ADAR: variants seen among roughly 807,000 people sequenced by gnomAD.
ADAR encodes the protein adenosine deaminase RNA specific, also known as double-stranded RNA-specific adenosine deaminase.
In ADAR, 41 loss-of-function variants were observed where a neutral mutation model predicts 113.2. That is an observed-to-expected ratio of 0.36 (90% CI 0.28 to 0.47). The LOEUF (loss-of-function observed/expected upper bound fraction) is 0.47. ADAR is among the 20% of genes least tolerant of loss of function. The probability of loss-of-function intolerance (pLI) is 1.00; values close to 1 mark genes in which losing one functional copy is unlikely to be tolerated. For synonymous variants in ADAR, 605 were observed against 572.6 expected (o/e 1.06, Z -0.81); for missense variants, 1,242 against 1,540.9 (o/e 0.81, Z 3.25).
At chr1:154,590,152 C>CG (rs774134911) in intron 7 of ADAR, 32 bp downstream of exon 7, 78 of 1,333,484 alleles carry the variant, frequency 5.8e-5, no homozygotes, top group Middle Eastern at 1.9e-4. Flanking sequence ...CCCCCCCGCC[C>CG]CAAAAAAGGC....
In ADAR at chr1:154,585,834, A is replaced by G; in HGVS notation, c.3234T>C (p.Arg1078=). The G allele has an allele frequency of 1.2e-6, 2 of 1,614,134 alleles. No individual in the cohort carries two copies. The highest frequency in any genetic ancestry group is 1.7e-6 in the Non-Finnish European group (2 of 1,179,966). The part of the protein sequence containing the change: ...GYLFSQGHLT[R]AICCRVTRDG... ...CTCTTGTCACACGACAGCAAATAGC[A>G]CGGGTCAGATGCCCTTGGCTGAAAA... is the stretch of plus-strand genomic sequence containing the variant. The change falls in exon 13 of 15, where the codon CGT becomes CGC. Residue 1078 remains arginine (R), a synonymous_variant. Transcript: ENST00000368474.
chr1:154,627,891 C>G (rs756091768), exon 1 of ADAR: 5 of 518,350 alleles, frequency 9.6e-6, no homozygotes, highest in Non-Finnish European at 1.9e-5. Context: ...GCCGGACACC[C>G]GGAGACTGCC....
At chr1:154,592,310 A>G (rs1697199904) in intron 6 of ADAR, among the ~76,000 whole-genome samples, 1 of 152,224 alleles carries the variant, frequency 6.6e-6, no homozygotes, top group Non-Finnish European at 1.5e-5. Context: ...AAACTGTGCT[A>G]TAATTGATTC....
chr1:154,598,744 T>C (rs1396195945), intron 2 of ADAR, among the ~76,000 whole-genome samples, 159 bp from the exon 3 acceptor site: 1 of 152,194 alleles, frequency 6.6e-6, no homozygotes, highest in East Asian at 1.9e-4. Flanking sequence ...TCCTTAAGGC[T>C]CAGCCTGTCC....
chr1:154,585,424 G>A, intron 13 of ADAR, 80 bp from the exon 14 acceptor site: 1 of 1,601,062 alleles, frequency 6.2e-7, no homozygotes, highest in Non-Finnish European at 8.5e-7. Flanking sequence ...AAGACTCATA[G>A]GAGAGAGGAA....
At chr1:154,618,037 A>G (rs1698683355) in intron 1 of ADAR, among the ~76,000 whole-genome samples, 1 of 151,224 alleles carries the variant, frequency 6.6e-6, no homozygotes, top group South Asian at 2.1e-4. Context: ...CTTTATATGC[A>G]TATGTATATA....
upstream of ADAR, among the ~76,000 whole-genome samples, chr1:154,611,077 A>C (rs1405875502): frequency 6.6e-6 from 1 of 152,180 alleles, no homozygotes; most frequent in Non-Finnish European, 1.5e-5. Context: ...TTGCTGTTGC[A>C]ATTCCAGTCC....
Position 154,590,524 on chromosome 1 carries a change from C to G in ADAR, c.2271-115G>C, listed in dbSNP as rs1337818794. 5 of 987,750 alleles carry G rather than the reference C, an allele frequency of 5.1e-6. No homozygotes were observed. In the African/African-American group the frequency reaches 7.9e-5, roughly 16 times the overall value. 61.2% of individuals were successfully genotyped at this position (987,750 alleles called of 1,614,324 possible). On this transcript the variant is annotated intron_variant, in intron 6 of 14. Coordinates refer to ENST00000368474, the MANE Select transcript of ADAR (RefSeq NM_001111.5). ...CTTGCAAACATATGGACCCGTCAAA[C>G]AGAAGCTGTTTCTAAGGCAGCATTT...
chr1:154,610,778 C>T (rs938677527), upstream of ADAR, among the ~76,000 whole-genome samples: 4 of 130,868 alleles, frequency 3.1e-5, no homozygotes, highest in African/African-American at 1.1e-4. Flanking sequence ...CCATTGCACT[C>T]CAGCCTGGAG....
chr1:154,613,905 A>T (rs112829415), intron 1 of ADAR, among the ~76,000 whole-genome samples: 1 of 40,010 alleles, frequency 2.5e-5, no homozygotes. Flanking sequence ...ACTCCATCTC[A>T]AAAAAAAAAA....
intron 1 of ADAR, among the ~76,000 whole-genome samples, chr1:154,623,842 A>C (rs916074204): frequency 6.6e-6 from 1 of 152,086 alleles, no homozygotes; most frequent in African/African-American, 2.4e-5. Flanking sequence ...ATTTCTACTA[A>C]AAATACAAAA....
At chr1:154,586,142 A>C (rs1406091953) in intron 12 of ADAR, 39 bp downstream of exon 12, 3 of 1,611,540 alleles carry the variant, frequency 1.9e-6, no homozygotes, top group Admixed American at 3.3e-5. Context: ...GGGCACAAGA[A>C]GGACAGACCA....
chr1:154,589,772 C>T lies in ADAR; in HGVS notation c.2653G>A (p.Val885Ile), dbSNP rs772025392. The T allele has an allele frequency of 1.2e-5, 20 of 1,613,948 alleles. No homozygotes were observed. Among genetic ancestry groups the T allele is most frequent in the African/African-American group, 1.3e-5 (1 of 74,890 alleles). Residue 885 changes from valine (V) to isoleucine (I), a missense_variant, in exon 8 of 15, where the codon GTC becomes ATC. By Grantham distance (29) the Val-to-Ile change is conservative (BLOSUM62 3). Coordinates refer to ENST00000368474, the MANE Select transcript of ADAR (RefSeq NM_001111.5). ...KKDSEDMGVVVSLGTGNRCVK... is the reference protein window; with the variant it reads ...KKDSEDMGVVISLGTGNRCVK... ...CCTCACTCACCTGTTCCCAAGCTGA[C>T]GACGACACCCATGTCCTCAGAGTCT...
At chr1:154,606,590 T>C (rs1386594831) in intron 1 of ADAR, among the ~76,000 whole-genome samples, 1 of 152,130 alleles carries the variant, frequency 6.6e-6, no homozygotes, top group Non-Finnish European at 1.5e-5. Flanking sequence ...GAGGAGATTA[T>C]TAATCTTTCT....
At chr1:154,600,864 T>C (rs1270057328) in intron 2 of ADAR, 177 bp downstream of exon 2, 3 of 887,334 alleles carry the variant, frequency 3.4e-6, no homozygotes, top group South Asian at 1.5e-5. Flanking sequence ...AAGGTCTATA[T>C]TCCCTGCTCA....
chr1:154,625,260 C>T (rs1362336745), intron 1 of ADAR, among the ~76,000 whole-genome samples: 1 of 152,216 alleles, frequency 6.6e-6, no homozygotes, highest in Non-Finnish European at 1.5e-5. Context: ...CTCCTTTCCC[C>T]CACTGCACCA....
rs778554296 is a variant in ADAR, at chr1:154,598,619, G to C, written c.1602-34C>G. The C allele has an allele frequency of 2.5e-6, 4 of 1,607,678 alleles. No homozygotes were observed. In the South Asian group the frequency reaches 4.4e-5, roughly 18 times the overall value. On this transcript the variant is annotated intron_variant, in intron 2 of 14. Coordinates refer to ENST00000368474, the MANE Select transcript of ADAR (RefSeq NM_001111.5). ...AAAGTGATTAGATGTGTGAACAGGA[G>C]TCTAGGTCACTCCTTCTGCCTTCTC... is the stretch of plus-strand genomic sequence containing the variant.
Position 154,597,881 on chromosome 1 carries a change from C to T in ADAR, c.1881G>A (p.Gly627=), listed in dbSNP as rs746786973. ...TTLLECMHKL[G]NSCEFRLLSK... is the part of the protein sequence containing the mutation. ...ACAGGAGACGGAATTCGCAGGAGTTCCCCAATTTGTGCATACACTCAAGCA... is the reference window on the plus strand; with the variant it reads ...ACAGGAGACGGAATTCGCAGGAGTTTCCCAATTTGTGCATACACTCAAGCA... The change falls in exon 4 of 15, where the codon GGG becomes GGA. Residue 627 remains glycine, a synonymous_variant. Coordinates refer to ENST00000368474, the MANE Select transcript of ADAR (RefSeq NM_001111.5). 2.5e-6 allele frequency: 4 copies of T among 1,614,104 alleles called. No individual in the cohort carries two copies. The highest frequency in any genetic ancestry group is 3.4e-6 in the Non-Finnish European group (4 of 1,180,026).
Position 154,588,684 on chromosome 1 carries a change from A to G in ADAR, c.2763-11T>C, listed in dbSNP as rs1439957222. 1.2e-6 allele frequency: 2 copies of G among 1,614,194 alleles called. No individual in the cohort carries two copies. Among genetic ancestry groups the G allele is most frequent in the East Asian group, 2.2e-5 (1 of 44,896 alleles). ...TCACTGTAGAGAAACCTACAAAAAGAAAGTCTGGTTAGGAAGGCAGGTTCA... is the reference window on the plus strand; with the variant it reads ...TCACTGTAGAGAAACCTACAAAAAGGAAGTCTGGTTAGGAAGGCAGGTTCA... On this transcript the variant is annotated splice_polypyrimidine_tract_variant and intron_variant, in intron 9 of 14. Transcript: ENST00000368474.
Sources: allele counts gnomAD v4.1 joint callset (sites outside exome capture counted in the v4.1 genomes callset), GRCh38; gene constraint gnomAD v4.1.1; transcripts MANE v1.5; gene names NCBI Gene and HGNC (gene_info 2026-07-23, HGNC 2026-07-21).